KLRG1: variants seen among roughly 807,000 people sequenced by gnomAD.
KLRG1 encodes killer cell lectin-like receptor subfamily G member 1.
In KLRG1, 16 loss-of-function variants were observed where a neutral mutation model predicts 21.8. The ratio of observed to expected loss-of-function variants is 0.73; its 90% CI spans 0.50 to 1.11. The LOEUF (loss-of-function observed/expected upper bound fraction) is 1.11, where lower values mean the gene tolerates loss of function less well. Among genes scored for constraint, KLRG1 ranks in the 50% most tolerant of loss-of-function variants. KLRG1 has a pLI of 0.00. For synonymous variants in KLRG1, 69 were observed against 75.9 expected, an observed-to-expected ratio of 0.91 and a Z score of 0.47; for missense variants, 173 against 218.3, an observed-to-expected ratio of 0.79 and a Z score of 1.31.
intron 1 of KLRG1, among the ~76,000 whole-genome samples, chr12:8,963,667 G>C (rs1592238979): frequency 6.6e-6 from 1 of 152,116 alleles, no homozygotes; most frequent in African/African-American, 2.4e-5. Context: ...TCTGGTCCTG[G>C]ACTTTTTTTG....
intron 1 of KLRG1, among the ~76,000 whole-genome samples, chr12:8,980,375 C>T (rs990528600): frequency 2.6e-5 from 4 of 152,072 alleles, no homozygotes; most frequent in African/African-American, 7.2e-5. Context: ...AATTCTTTGT[C>T]GGGCAATTCA....
chr12:9,080,169 C>T, the KLRG1 span: 2 of 1,578,744 alleles, frequency 1.3e-6, no homozygotes, highest in Admixed American at 1.8e-5. Context: ...TCTTCAGAAA[C>T]CTCACCACCT....
chr12:9,152,751 A>C, the KLRG1 span: 1 of 1,480,126 alleles, frequency 6.8e-7, no homozygotes, highest in African/African-American at 1.4e-5. Flanking sequence ...TAGCTTCCAA[A>C]TGGACTATTA....
At chr12:8,954,584 A>G (rs973222393) in intron 1 of KLRG1, among the ~76,000 whole-genome samples, 1 of 152,058 alleles carries the variant, frequency 6.6e-6, no homozygotes, top group Non-Finnish European at 1.5e-5. Flanking sequence ...AGAATCAGTC[A>G]TTTCACCAAG....
At chr12:9,033,290 A>G in the KLRG1 span, among the ~76,000 whole-genome samples, 2 of 152,120 alleles carry the variant, frequency 1.3e-5, no homozygotes, top group Non-Finnish European at 2.9e-5. Context: ...TAAAAAAATA[A>G]AAGAATTAGC....
chr12:9,200,122 A>T, the KLRG1 span, among the ~76,000 whole-genome samples: 1 of 152,214 alleles, frequency 6.6e-6, no homozygotes, highest in Non-Finnish European at 1.5e-5. Context: ...TTATCCTAAG[A>T]TGTTAAAGCA....
the KLRG1 span, among the ~76,000 whole-genome samples, chr12:9,094,340 C>CATATATATATAT: frequency 1.4e-4 from 14 of 97,016 alleles, no homozygotes; most frequent in Non-Finnish European, 2.2e-4. Flanking sequence ...AAAAATTGTG[C>CATATATATATAT]ATATATATAT....
At chr12:9,077,540 G>T in the KLRG1 span, 8 of 1,451,862 alleles carry the variant, frequency 5.5e-6, no homozygotes, top group Non-Finnish European at 6.6e-6. Context: ...ATAGGGCAAA[G>T]TATCACAATC....
the KLRG1 span, among the ~76,000 whole-genome samples, chr12:9,212,262 G>A: frequency 6.6e-6 from 1 of 152,220 alleles, no homozygotes; most frequent in Admixed American, 6.5e-5. Flanking sequence ...ACAGATGAGA[G>A]GGCCTGGAGC....
chr12:9,001,390 C>T lies in KLRG1; in HGVS notation c.357+6102C>T, dbSNP rs1041782492. Reference sequence around the variant, plus strand: ...TTCTTTCTGTGTATTGGCTGAAAATCGCAGAGGGCCTTGACCGCTCTGTGA... The same window carrying T: ...TTCTTTCTGTGTATTGGCTGAAAATTGCAGAGGGCCTTGACCGCTCTGTGA... On this transcript the variant is annotated intron_variant, in intron 3 of 4. Transcript: ENST00000356986. 2.6e-5 allele frequency among the ~76,000 whole-genome samples: 4 copies of T among 152,248 alleles called. No individual in the cohort carries two copies. In the South Asian group the frequency reaches 6.2e-4, roughly 24 times the overall value.
intron 3 of KLRG1, among the ~76,000 whole-genome samples, chr12:9,008,178 A>T (rs1947528668): frequency 6.6e-6 from 1 of 152,226 alleles, no homozygotes; most frequent in Non-Finnish European, 1.5e-5. Flanking sequence ...GGAAAAAAAC[A>T]AGAATATTGC....
At chr12:8,986,691 T>C (rs994886657), upstream of KLRG1, among the ~76,000 whole-genome samples, 7 of 152,146 alleles carry the variant, frequency 4.6e-5, no homozygotes, top group African/African-American at 1.7e-4. Flanking sequence ...AAAGAGCCCC[T>C]GATTCCTATG....
At chr12:9,170,695 G>A in the KLRG1 span, among the ~76,000 whole-genome samples, 11 of 152,194 alleles carry the variant, frequency 7.2e-5, no homozygotes, top group East Asian at 1.9e-3. The surrounding 1 kb of genome is among the most constrained non-coding windows in gnomAD (Gnocchi z 4.6). Context: ...ATGAGGAACG[G>A]TCCCCCACGA....
At chr12:9,091,516 C>T in the KLRG1 span, 8 of 1,388,016 alleles carry the variant, frequency 5.8e-6, no homozygotes, top group Non-Finnish European at 7.9e-6. Context: ...GATTCTACTG[C>T]CATGACTTAA....
the KLRG1 span, among the ~76,000 whole-genome samples, chr12:9,082,457 C>T: frequency 3.9e-5 from 6 of 152,214 alleles, no homozygotes; most frequent in African/African-American, 1.4e-4. Context: ...AGAGCAAAGG[C>T]AGTGGCCCAG....
At chr12:9,201,988 G>C in the KLRG1 span, among the ~76,000 whole-genome samples, 1 of 152,106 alleles carries the variant, frequency 6.6e-6, no homozygotes, top group Admixed American at 6.5e-5. Context: ...GCATAATTCT[G>C]TGTTGCTTTT....
chr12:8,993,478 C>T (rs754268869), intron 2 of KLRG1, among the ~76,000 whole-genome samples: 6 of 151,898 alleles, frequency 4.0e-5, no homozygotes, highest in Non-Finnish European at 5.9e-5. Context: ...TTATTAGAGA[C>T]GGGGTTTCAC....
At chr12:9,158,808 G>A in the KLRG1 span, among the ~76,000 whole-genome samples, 5 of 116,594 alleles carry the variant, frequency 4.3e-5, no homozygotes, top group Admixed American at 4.3e-4. Flanking sequence ...TTACCAGCTT[G>A]TCCTTGCTTC....
chr12:9,057,499 C>T, the KLRG1 span: 1 of 152,334 alleles, frequency 6.6e-6, no homozygotes, highest in Non-Finnish European at 1.5e-5. Context: ...ACTTGTACCC[C>T]CTAAATCTAT....
Sources: allele counts gnomAD v4.1 joint callset (sites outside exome capture counted in the v4.1 genomes callset), GRCh38; gene constraint gnomAD v4.1.1; non-coding constraint Gnocchi (gnomAD v3.1); transcripts MANE v1.5; gene names NCBI Gene and HGNC (gene_info 2026-07-23, HGNC 2026-07-21).